The following CADM1 variants were observed in gnomAD, a reference collection of about 807,000 sequenced individuals.
The protein encoded by CADM1 is cell adhesion molecule 1.
CADM1 carries 15 observed loss-of-function variants against 53.1 expected under a neutral mutation model. The ratio of observed to expected loss-of-function variants is 0.28; its 90% confidence interval spans 0.19 to 0.44. The LOEUF (loss-of-function observed/expected upper bound fraction) is 0.44, where lower values mean the gene tolerates loss of function less well. Among genes scored for constraint, CADM1 ranks in the 20% least tolerant of loss-of-function variants. The pLI is 1.00. For synonymous variants in CADM1, 281 were observed against 243.0 expected, an observed-to-expected ratio of 1.16 and a Z score of -1.45; for missense variants, 434 against 611.3, an observed-to-expected ratio of 0.71 and a Z score of 3.06.
chr11:115,406,590 AAAT>A (rs1467135660), intron 1 of CADM1, among the ~76,000 whole-genome samples: 19 of 148,268 alleles, frequency 1.3e-4, no homozygotes, highest in South Asian at 4.2e-4. Flanking sequence ...TTATTATAAT[AAAT>A]AATAAAATAT....
intron 5 of CADM1, among the ~76,000 whole-genome samples, chr11:115,222,826 TG>T (rs1941455853): frequency 6.6e-6 from 1 of 152,164 alleles, no homozygotes; most frequent in South Asian, 2.1e-4. Context: ...GCTTTTTAAA[TG>T]GGGGTACATA....
At chr11:115,355,638 G>T (rs1422539783) in intron 1 of CADM1, among the ~76,000 whole-genome samples, 1 of 152,030 alleles carries the variant, frequency 6.6e-6, no homozygotes, top group African/African-American at 2.4e-5. Context: ...AAAAGAGAGA[G>T]AGATCAAGTT....
At chr11:115,302,739 CA>C (rs1405367949) in intron 1 of CADM1, among the ~76,000 whole-genome samples, 1 of 151,968 alleles carries the variant, frequency 6.6e-6, no homozygotes, top group Non-Finnish European at 1.5e-5. Context: ...ATAAAGGAGG[CA>C]ACTGGTTGGC....
At chr11:115,418,875 A>G (rs949969241) in intron 1 of CADM1, among the ~76,000 whole-genome samples, 2 of 152,212 alleles carry the variant, frequency 1.3e-5, no homozygotes, top group African/African-American at 2.4e-5. Flanking sequence ...AAATATTTAC[A>G]TAAACTATAT....
intron 9 of CADM1, 59 bp from the exon 10 acceptor site, chr11:115,191,000 C>T (rs999316302): frequency 1.5e-6 from 2 of 1,363,618 alleles, no homozygotes; most frequent in Non-Finnish European, 2.0e-6. Context: ...AAACAAAACA[C>T]TTAAGAACTG....
chr11:115,184,920 G>C (rs1048782246), intron 10 of CADM1, among the ~76,000 whole-genome samples: 1 of 152,202 alleles, frequency 6.6e-6, no homozygotes, highest in African/African-American at 2.4e-5. Flanking sequence ...AAACAGGCCT[G>C]AACAGGGGAC....
At chr11:115,277,525 T>C (rs960040290) in intron 1 of CADM1, among the ~76,000 whole-genome samples, 1 of 152,258 alleles carries the variant, frequency 6.6e-6, no homozygotes, top group Admixed American at 6.5e-5. Flanking sequence ...ATTAAAACAA[T>C]ACAATTACTA....
chr11:115,185,084 A>G (rs1293675379), intron 10 of CADM1, among the ~76,000 whole-genome samples: 1 of 152,232 alleles, frequency 6.6e-6, no homozygotes, highest in Admixed American at 6.5e-5. Context: ...CGTACTTCAC[A>G]GGGTCACTTT....
intron 1 of CADM1, among the ~76,000 whole-genome samples, chr11:115,425,434 C>T (rs1198765922): frequency 2.0e-5 from 3 of 152,188 alleles, no homozygotes; most frequent in African/African-American, 4.8e-5. Context: ...TTTCATTGCA[C>T]CCACTTCAAC....
chr11:115,260,090 T>A (rs1360346978), intron 1 of CADM1, among the ~76,000 whole-genome samples: 28 of 152,006 alleles, frequency 1.8e-4, no homozygotes, highest in African/African-American at 2.4e-5. Flanking sequence ...CCATGCCTAA[T>A]TTTTTTACTT....
intron 8 of CADM1, among the ~76,000 whole-genome samples, chr11:115,208,887 A>T (rs1940819663): frequency 6.6e-6 from 1 of 152,214 alleles, no homozygotes; most frequent in South Asian, 2.1e-4. Flanking sequence ...GAAACAAGAG[A>T]CAGTAAAACT....
chr11:115,248,158 G>A (rs1024974591), intron 1 of CADM1, among the ~76,000 whole-genome samples: 5 of 152,296 alleles, frequency 3.3e-5, no homozygotes, highest in Admixed American at 1.3e-4. Flanking sequence ...GCTGAAGAAC[G>A]GAGGTCAAGC....
At chr11:115,340,656 A>ATTTTTTTTTT (rs1365807207) in intron 1 of CADM1, among the ~76,000 whole-genome samples, 2 of 52,348 alleles carry the variant, frequency 3.8e-5, no homozygotes, top group African/African-American at 9.6e-5. Flanking sequence ...ATATATATAT[A>ATTTTTTTTTT]TATTTTTTTT....
intron 1 of CADM1, among the ~76,000 whole-genome samples, chr11:115,406,898 C>T (rs1424076088): frequency 2.7e-5 from 4 of 150,020 alleles, no homozygotes; most frequent in East Asian, 2.0e-4. Flanking sequence ...TGCAGTGAGC[C>T]GAGATTATGC....
intron 1 of CADM1, among the ~76,000 whole-genome samples, chr11:115,407,039 T>C (rs1043949791): frequency 6.6e-6 from 1 of 151,838 alleles, no homozygotes; most frequent in Admixed American, 6.6e-5. Flanking sequence ...TAGTGTCGGG[T>C]GTATGTACAA....
At chr11:115,261,325 A>T (rs1342071164) in intron 1 of CADM1, among the ~76,000 whole-genome samples, 1 of 152,206 alleles carries the variant, frequency 6.6e-6, no homozygotes, top group Non-Finnish European at 1.5e-5. Flanking sequence ...GAACCCATAC[A>T]TTAAGAGTCC....
Position 115,175,699 on chromosome 11 carries a change from TAA to T in CADM1, c.*773_*774del. 1 of 987,940 alleles carries T rather than the reference TAA, an allele frequency of 1.0e-6. No homozygotes were observed. The highest frequency in any genetic ancestry group is 1.2e-6 in the Non-Finnish European group (1 of 831,506). The allele number at this position is 987,940 out of a possible 1,614,324, so 61.2% of individuals were successfully genotyped here. ...ACTGAGCCGTCTACAGATACAGAAT[TAA>T]AGACAGTGAAATTCAATCTCATTGT... On this transcript the variant is annotated 3_prime_UTR_variant, in exon 12 of 12. Coordinates refer to ENST00000331581, the MANE Select transcript of CADM1 (RefSeq NM_001301043.2).
At chr11:115,228,964 T>C in intron 5 of CADM1, 149 bp downstream of exon 5, 1 of 822,614 alleles carries the variant, frequency 1.2e-6, no homozygotes, top group Non-Finnish European at 2.0e-6. Context: ...GGCAGTACAA[T>C]ATTTCAATAA....
chr11:115,240,211 C>T, intron 2 of CADM1, 63 bp downstream of exon 2: 1 of 1,543,688 alleles, frequency 6.5e-7, no homozygotes, highest in Non-Finnish European at 8.9e-7. Flanking sequence ...TTAGCAATCT[C>T]TTTATCAAGA....
Sources: allele counts gnomAD v4.1 joint callset (sites outside exome capture counted in the v4.1 genomes callset), GRCh38; gene constraint gnomAD v4.1.1; transcripts MANE v1.5; gene names NCBI Gene and HGNC (gene_info 2026-07-23, HGNC 2026-07-21).